ARK2C: variants seen among roughly 807,000 people sequenced by gnomAD.
The protein encoded by ARK2C is E3 ubiquitin-protein ligase ARK2C.
the ARK2C span, among the ~76,000 whole-genome samples, chr18:46,424,342 G>A: frequency 6.6e-6 from 1 of 152,238 alleles, no homozygotes; most frequent in Non-Finnish European, 1.5e-5. Flanking sequence ...ATACAGCAGT[G>A]AGAGAGAGCA....
chr18:46,423,925 A>C, the ARK2C span, among the ~76,000 whole-genome samples: 1 of 151,954 alleles, frequency 6.6e-6, no homozygotes, highest in Non-Finnish European at 1.5e-5. Context: ...TCCTCTCTCC[A>C]TGTCCTTCCC....
chr18:46,341,337 T>C, the ARK2C span, among the ~76,000 whole-genome samples: 1 of 62,440 alleles, frequency 1.6e-5, no homozygotes, highest in South Asian at 5.1e-4. Context: ...GGGACAGGCG[T>C]GGGGGGTAGG....
At chr18:46,407,912 C>T in the ARK2C span, among the ~76,000 whole-genome samples, 1,383 of 152,248 alleles carry the variant, frequency 9.1e-3, 13 homozygotes, top group African/African-American at 0.031. Context: ...AGATTGGTGG[C>T]GTCTTCAGGA....
chr18:46,365,172 T>A, the ARK2C span, among the ~76,000 whole-genome samples: 1 of 152,180 alleles, frequency 6.6e-6, no homozygotes, highest in Non-Finnish European at 1.5e-5. Context: ...AGTTGCTCTT[T>A]GGAACTTAAC....
the ARK2C span, among the ~76,000 whole-genome samples, chr18:46,360,296 CAT>C: frequency 6.6e-6 from 1 of 152,098 alleles, no homozygotes; most frequent in Non-Finnish European, 1.5e-5. Context: ...GGCGGGGTAT[CAT>C]GTGTTTGTGG....
At chr18:46,369,646 G>A in the ARK2C span, among the ~76,000 whole-genome samples, 2 of 152,180 alleles carry the variant, frequency 1.3e-5, no homozygotes, top group African/African-American at 2.4e-5. Context: ...TGCTGGAGGT[G>A]GGGGCACTTT....
At chr18:46,376,891 G>T in the ARK2C span, among the ~76,000 whole-genome samples, 1 of 152,058 alleles carries the variant, frequency 6.6e-6, no homozygotes, top group Non-Finnish European at 1.5e-5. Flanking sequence ...GGATGGTCTT[G>T]ATTTCTGATC....
chr18:46,429,959 C>T, the ARK2C span, among the ~76,000 whole-genome samples: 1 of 152,050 alleles, frequency 6.6e-6, no homozygotes, highest in Non-Finnish European at 1.5e-5. Flanking sequence ...CCCATTGTTT[C>T]CAGTCCCCTC....
chr18:46,434,928 A>C, the ARK2C span, among the ~76,000 whole-genome samples: 1 of 152,158 alleles, frequency 6.6e-6, no homozygotes, highest in Admixed American at 6.5e-5. Flanking sequence ...TAGAGCCTGT[A>C]GGAGGCGAGT....
the ARK2C span, chr18:46,386,577 C>CCCATCCAT: frequency 6.6e-6 from 1 of 150,908 alleles, no homozygotes. Context: ...CATTCACCCA[C>CCCATCCAT]CCATCCACCC....
At chr18:46,389,976 C>T in the ARK2C span, among the ~76,000 whole-genome samples, 1,194 of 152,310 alleles carry the variant, frequency 7.8e-3, 5 homozygotes, top group Non-Finnish European at 0.011. Flanking sequence ...TGACCTGCTA[C>T]CTTGGCCTCC....
the ARK2C span, among the ~76,000 whole-genome samples, chr18:46,374,617 A>G: frequency 4.2e-4 from 1 of 2,370 alleles, no homozygotes; most frequent in Non-Finnish European, 7.8e-4. Context: ...AGGTGGCTTT[A>G]TGCCTTCTCT....
At chr18:46,349,315 A>C in the ARK2C span, among the ~76,000 whole-genome samples, 1 of 152,166 alleles carries the variant, frequency 6.6e-6, no homozygotes, top group African/African-American at 2.4e-5. Context: ...TCCACTTCCT[A>C]GATGGCTGTT....
the ARK2C span, among the ~76,000 whole-genome samples, chr18:46,426,981 G>A: frequency 1.3e-5 from 2 of 152,192 alleles, no homozygotes; most frequent in African/African-American, 4.8e-5. Context: ...ATACTATCCT[G>A]GGAGTTTCAC....
At chr18:46,408,432 C>T in the ARK2C span, among the ~76,000 whole-genome samples, 1 of 152,206 alleles carries the variant, frequency 6.6e-6, no homozygotes, top group Non-Finnish European at 1.5e-5. Context: ...AATCTGGAGG[C>T]AGCAGAATGT....
chr18:46,417,442 C>G, the ARK2C span, among the ~76,000 whole-genome samples: 2 of 152,242 alleles, frequency 1.3e-5, no homozygotes, highest in African/African-American at 4.8e-5. Context: ...TCAGGCTTGC[C>G]CTCACCACAG....
chr18:46,440,344 A>G, the ARK2C span, among the ~76,000 whole-genome samples: 2 of 152,108 alleles, frequency 1.3e-5, no homozygotes, highest in Non-Finnish European at 2.9e-5. Context: ...TAATTGTTCT[A>G]TTTTGTTATT....
the ARK2C span, among the ~76,000 whole-genome samples, chr18:46,455,680 A>G: frequency 6.6e-6 from 1 of 152,240 alleles, no homozygotes; most frequent in East Asian, 1.9e-4. Context: ...CTACAAAAAT[A>G]CAAAAATTAG....
At chr18:46,357,015 T>C in the ARK2C span, among the ~76,000 whole-genome samples, 27 of 152,194 alleles carry the variant, frequency 1.8e-4, no homozygotes, top group African/African-American at 4.8e-4. Flanking sequence ...TTGGGCTACC[T>C]GAGGAGCTTG....
Sources: gnomAD v4.1 joint callset for allele counts (sites outside exome capture counted in the v4.1 genomes callset) on GRCh38, gnomAD v4.1.1 for gene constraint, MANE v1.5 for transcripts, NCBI Gene and HGNC (gene_info 2026-07-23, HGNC 2026-07-21) for gene names.